TNR: variants seen among roughly 807,000 people sequenced by gnomAD.
TNR encodes the protein tenascin R.
TNR carries 45 observed loss-of-function variants against 150.4 expected under a neutral mutation model. The ratio of observed to expected loss-of-function variants is 0.30; its 90% confidence interval spans 0.24 to 0.38. The LOEUF is 0.38. Among genes scored for constraint, TNR ranks in the 10% least tolerant of loss-of-function variants. The pLI, the probability that TNR is intolerant of heterozygous loss-of-function variation, is 1.00. For missense variants in TNR, 1,544 were observed against 1,759.1 expected (o/e 0.88, Z 2.19); for synonymous variants, 687 against 678.4 (o/e 1.01, Z -0.20).
chr1:175,542,428 A>G (rs1165425475), intron 1 of TNR, among the ~76,000 whole-genome samples: 1 of 152,158 alleles, frequency 6.6e-6, no homozygotes, highest in Non-Finnish European at 1.5e-5. Flanking sequence ...GAAACCTTCT[A>G]ATCTGAGTGA....
intron 1 of TNR, among the ~76,000 whole-genome samples, chr1:175,548,981 C>T (rs984071772): frequency 6.6e-6 from 1 of 152,194 alleles, no homozygotes; most frequent in African/African-American, 2.4e-5. Context: ...GTCCCTGTGC[C>T]AAGGAGCTGT....
intron 2 of TNR, among the ~76,000 whole-genome samples, chr1:175,512,943 A>G (rs775376903): frequency 2.0e-4 from 30 of 152,172 alleles, no homozygotes; most frequent in Non-Finnish European, 3.7e-4. Flanking sequence ...GTCCAGCCTA[A>G]ATGACTGAAT....
At chr1:175,701,161 T>A (rs766185535) in intron 1 of TNR, among the ~76,000 whole-genome samples, 5 of 152,222 alleles carry the variant, frequency 3.3e-5, no homozygotes, top group Non-Finnish European at 7.3e-5. Flanking sequence ...CAACACAATC[T>A]ATTGCTTTTT....
chr1:175,682,765 T>A (rs1054995496), intron 1 of TNR, among the ~76,000 whole-genome samples: 5 of 152,108 alleles, frequency 3.3e-5, no homozygotes, highest in African/African-American at 1.2e-4. Flanking sequence ...AAGAACCTCC[T>A]CACAAATTCT....
intron 1 of TNR, among the ~76,000 whole-genome samples, chr1:175,738,340 A>G (rs1667831979): frequency 6.6e-6 from 1 of 152,218 alleles, no homozygotes. Context: ...ATTCAGCCAT[A>G]AAAAGGAAGG....
intron 2 of TNR, among the ~76,000 whole-genome samples, chr1:175,459,065 A>G (rs1473351206): frequency 6.6e-6 from 1 of 151,774 alleles, no homozygotes; most frequent in African/African-American, 2.4e-5. Flanking sequence ...CATGACCACC[A>G]CCATCATCAC....
At chr1:175,390,492 A>G (rs1653121584) in intron 7 of TNR, among the ~76,000 whole-genome samples, 1 of 152,248 alleles carries the variant, frequency 6.6e-6, no homozygotes, top group Non-Finnish European at 1.5e-5. Flanking sequence ...GTGAGGACAC[A>G]CACACATTTA....
intron 1 of TNR, among the ~76,000 whole-genome samples, chr1:175,625,262 C>A (rs1664112608): frequency 6.6e-6 from 1 of 152,228 alleles, no homozygotes; most frequent in Non-Finnish European, 1.5e-5. Context: ...TCTGCCCATT[C>A]TTTCTGTAAA....
At chr1:175,663,753 G>A (rs550329772) in intron 1 of TNR, among the ~76,000 whole-genome samples, 8 of 152,342 alleles carry the variant, frequency 5.3e-5, no homozygotes, top group South Asian at 4.1e-4. Context: ...CAGCCAGGAC[G>A]GCTGAGGATG....
intron 2 of TNR, among the ~76,000 whole-genome samples, chr1:175,426,667 T>C (rs1156830845): frequency 1.3e-5 from 2 of 151,696 alleles, no homozygotes; most frequent in East Asian, 3.9e-4. Flanking sequence ...GCACTTTTAC[T>C]CTATTGACCA....
rs747138908 is a variant in TNR at position 175,406,707 on chromosome 1, G to GC, written c.7dup (p.Ala3GlyfsTer70). ...CTTCAGAACCACTGTTTCCCCATCT[G>GC]CCCCCATCCTCTCAGCCAGAGATCT... On this transcript the variant is annotated frameshift_variant, in exon 3 of 23. Coordinates refer to ENST00000367674, the MANE Select transcript of TNR (RefSeq NM_003285.3). LOFTEE classifies it high-confidence loss of function. 1 of 1,613,630 alleles carries GC rather than the reference G, an allele frequency of 6.2e-7. No individual in the cohort carries two copies. The highest frequency in any genetic ancestry group is 8.5e-7 in the Non-Finnish European group (1 of 1,179,718).
intron 1 of TNR, among the ~76,000 whole-genome samples, chr1:175,725,865 T>A (rs1278960496): frequency 6.6e-6 from 1 of 152,178 alleles, no homozygotes; most frequent in Non-Finnish European, 1.5e-5. Flanking sequence ...CCTAGGACAG[T>A]TCCTGAAGCC....
intron 4 of TNR, among the ~76,000 whole-genome samples, chr1:175,402,173 G>C (rs1218503605): frequency 6.6e-6 from 1 of 151,486 alleles, no homozygotes; most frequent in South Asian, 2.1e-4. Context: ...CGGGCGCGGT[G>C]GTGGGCGCCT....
chr1:175,691,242 C>T (rs1339359074), intron 1 of TNR, among the ~76,000 whole-genome samples: 3 of 115,966 alleles, frequency 2.6e-5, no homozygotes, highest in Non-Finnish European at 3.7e-5. Context: ...AGGAAGAAAA[C>T]CTAGAGAAAG....
Position 175,548,955 on chromosome 1 carries a change from CAG to C in TNR, c.-164-20588_-164-20587del, listed in dbSNP as rs1251314202. Among the ~76,000 whole-genome samples, 133 of 152,192 alleles carry C rather than the reference CAG, an allele frequency of 8.7e-4. 1 individual carries two copies. The highest frequency in any genetic ancestry group is 8.7e-3 in the Admixed American group (133 of 15,274). On this transcript the variant is annotated intron_variant, in intron 1 of 22. Coordinates refer to ENST00000367674, the MANE Select transcript of TNR (RefSeq NM_003285.3). ...CAACTAGCACTGGGATCTGCCAAGA[CAG>C]GAAAAATCACCATGTCCCTGTGCCA...
intron 22 of TNR, among the ~76,000 whole-genome samples, chr1:175,323,764 G>T (rs980152269): frequency 9.9e-5 from 15 of 152,168 alleles, no homozygotes; most frequent in African/African-American, 2.9e-4. Context: ...ACCAGTAGAT[G>T]GTTGTGAAAT....
chr1:175,563,295 T>A (rs1225683926), intron 1 of TNR, among the ~76,000 whole-genome samples: 4 of 152,152 alleles, frequency 2.6e-5, no homozygotes, highest in Non-Finnish European at 4.4e-5. Flanking sequence ...AGGCTATGAT[T>A]CAAAAAGTTT....
In TNR at chr1:175,627,484, G is replaced by A. The variant is rs138901203; in HGVS notation, c.-164-99115C>T. On this transcript the variant is annotated intron_variant, in intron 1 of 22. Transcript: ENST00000367674. Reference sequence around the variant, plus strand: ...GAGTTACTAGCTTCAGAAAGACGGAGTTCAAATTCTATTATTATATCAGTT... The same window carrying A: ...GAGTTACTAGCTTCAGAAAGACGGAATTCAAATTCTATTATTATATCAGTT... Among the ~76,000 whole-genome samples, 677 of 152,288 alleles carry A rather than the reference G, an allele frequency of 4.4e-3. 5 individuals carry two copies. The highest frequency in any genetic ancestry group is 0.015 in the African/African-American group (635 of 41,550).
chr1:175,345,468 A>C (rs1198679712), intron 18 of TNR, among the ~76,000 whole-genome samples: 1 of 152,210 alleles, frequency 6.6e-6, no homozygotes, highest in East Asian at 1.9e-4. Context: ...TTATTTAAGG[A>C]GGTAAGTAAA....
Sources: gnomAD v4.1 joint callset for allele counts (sites outside exome capture counted in the v4.1 genomes callset) on GRCh38, gnomAD v4.1.1 for gene constraint, MANE v1.5 for transcripts, NCBI Gene and HGNC (gene_info 2026-07-23, HGNC 2026-07-21) for gene names.